Variants in FUT9 observed in about 807,000 individuals in gnomAD.
FUT9 encodes the protein 4-galactosyl-N-acetylglucosaminide 3-alpha-L-fucosyltransferase 9.
FUT9 carries 15 observed loss-of-function variants against 29.7 expected under a neutral mutation model. The ratio of observed to expected loss-of-function variants is 0.51; its 90% CI spans 0.34 to 0.78. The LOEUF (loss-of-function observed/expected upper bound fraction) is 0.78. Among genes scored for constraint, FUT9 ranks in the 30% least tolerant of loss-of-function variants. The pLI is 0.01. For synonymous variants in FUT9, 169 were observed against 153.7 expected (o/e 1.10, Z -0.74); for missense variants, 319 against 425.4 (o/e 0.75, Z 2.20).
intron 2 of FUT9, among the ~76,000 whole-genome samples, chr6:96,156,301 T>G (rs749652094): frequency 6.6e-6 from 1 of 152,194 alleles, no homozygotes; most frequent in Non-Finnish European, 1.5e-5. Flanking sequence ...CCTTGGAGCC[T>G]TTGGTTCATT....
chr6:96,199,859 A>G (rs1023092955), intron 2 of FUT9, among the ~76,000 whole-genome samples: 1 of 152,192 alleles, frequency 6.6e-6, no homozygotes, highest in Non-Finnish European at 1.5e-5. Context: ...TACAGCATTT[A>G]TTAAGCATCT....
chr6:96,173,664 T>C (rs1773153474), intron 2 of FUT9, among the ~76,000 whole-genome samples: 1 of 152,098 alleles, frequency 6.6e-6, no homozygotes, highest in African/African-American at 2.4e-5. Context: ...TACATCTGTC[T>C]TATAAAGGTA....
At chr6:96,034,654 C>T (rs544996183) in intron 1 of FUT9, among the ~76,000 whole-genome samples, 1 of 151,638 alleles carries the variant, frequency 6.6e-6, no homozygotes, top group Non-Finnish European at 1.5e-5. Flanking sequence ...CTTTATCACA[C>T]ACTTACTACA....
chr6:96,136,690 A>G lies in FUT9; in HGVS notation c.-9+22563A>G, dbSNP rs185556056. Among the ~76,000 whole-genome samples the G allele has an allele frequency of 2.3e-4, 35 of 152,054 alleles. No homozygotes were observed. The East Asian group carries it at 6.4e-3, about 28-fold the overall frequency. ...TTTGTATGTTATCACAATGCTTTTT[A>G]TGCACAGAAGAGAGCAAATTTTATT... On this transcript the variant is annotated intron_variant, in intron 2 of 2. Coordinates refer to ENST00000302103, the MANE Select transcript of FUT9 (RefSeq NM_006581.4).
chr6:96,094,960 C>T (rs1430077748), intron 1 of FUT9, among the ~76,000 whole-genome samples: 5 of 152,058 alleles, frequency 3.3e-5, no homozygotes, highest in African/African-American at 9.7e-5. Flanking sequence ...GCAGTGTACA[C>T]GGTACCCAAA....
chr6:96,063,524 A>C (rs954160879), intron 1 of FUT9, among the ~76,000 whole-genome samples: 2 of 152,198 alleles, frequency 1.3e-5, no homozygotes, highest in Non-Finnish European at 2.9e-5. Flanking sequence ...ATTCGGGGGC[A>C]TGATCCAGAC....
chr6:96,147,309 C>T (rs930723560), intron 2 of FUT9, among the ~76,000 whole-genome samples: 11 of 151,894 alleles, frequency 7.2e-5, no homozygotes, highest in East Asian at 3.9e-4. Context: ...TACAGGTGCA[C>T]GCCACCATAC....
chr6:96,092,004 C>G (rs1771419058), intron 1 of FUT9, among the ~76,000 whole-genome samples: 1 of 151,810 alleles, frequency 6.6e-6, no homozygotes. Context: ...AACATAGATA[C>G]AAAAATGATA....
At chr6:96,147,047 T>G (rs1195211239) in intron 2 of FUT9, among the ~76,000 whole-genome samples, 1 of 152,116 alleles carries the variant, frequency 6.6e-6, no homozygotes, top group Non-Finnish European at 1.5e-5. Context: ...TAACAATCAG[T>G]GCAAACACAA....
At chr6:96,103,259 T>C (rs1266078214) in intron 1 of FUT9, among the ~76,000 whole-genome samples, 1 of 152,178 alleles carries the variant, frequency 6.6e-6, no homozygotes, top group Admixed American at 6.5e-5. Flanking sequence ...ATGTATTTTC[T>C]AGACACTTTC....
chr6:96,205,173 C>G lies in FUT9; in HGVS notation c.*938C>G, dbSNP rs1773805086. On this transcript the variant is annotated 3_prime_UTR_variant, in exon 3 of 3. Coordinates refer to ENST00000302103, the MANE Select transcript of FUT9 (RefSeq NM_006581.4). ...AATATTTAAAATGGTCTTATTTTAC[C>G]ATATGGATATAAGATTTGGCTCATA... 1 of 166,614 alleles carries G rather than the reference C, an allele frequency of 6.0e-6. No individual in the cohort carries two copies. The highest frequency in any genetic ancestry group is 1.5e-5 in the Non-Finnish European group (1 of 68,012). The allele number at this position is 166,614 out of a possible 1,614,324, so 10.3% of individuals were successfully genotyped here.
chr6:96,187,133 G>T (rs1424502816), intron 2 of FUT9, among the ~76,000 whole-genome samples: 1 of 152,098 alleles, frequency 6.6e-6, no homozygotes, highest in East Asian at 1.9e-4. Flanking sequence ...AAGAGTCAAG[G>T]AGGATAAAGC....
chr6:96,091,018 T>C (rs1162909004), intron 1 of FUT9, among the ~76,000 whole-genome samples: 3 of 152,044 alleles, frequency 2.0e-5, no homozygotes, highest in Non-Finnish European at 4.4e-5. Context: ...GTTAAAGCCA[T>C]TGAGAATATA....
chr6:96,080,192 T>A (rs1248072310), intron 1 of FUT9, among the ~76,000 whole-genome samples: 1 of 147,868 alleles, frequency 6.8e-6, no homozygotes, highest in African/African-American at 2.4e-5. Context: ...TTCTCAGTAG[T>A]TCTCACAAAT....
rs372684958 is a variant in FUT9, at chr6:96,120,034, A to G, written c.-9+5907A>G. Among the ~76,000 whole-genome samples the G allele has an allele frequency of 1.6e-4, 25 of 152,180 alleles. No individual in the cohort carries two copies. In the East Asian group the frequency reaches 2.7e-3, roughly 16 times the overall value. ...GTGATCCATTATATATTTAACCCTC[A>G]TTTGTTATCTGTTACAATACATAAA... On this transcript the variant is annotated intron_variant, in intron 2 of 2. Coordinates refer to ENST00000302103, the MANE Select transcript of FUT9 (RefSeq NM_006581.4).
At chr6:96,060,728 G>T (rs938327679) in intron 1 of FUT9, among the ~76,000 whole-genome samples, 8 of 152,002 alleles carry the variant, frequency 5.3e-5, no homozygotes, top group Admixed American at 4.6e-4. Flanking sequence ...TGTAGAGACA[G>T]GTTTTCACCA....
chr6:96,195,172 C>G (rs1449930452), intron 2 of FUT9, among the ~76,000 whole-genome samples: 1 of 152,050 alleles, frequency 6.6e-6, no homozygotes, highest in Non-Finnish European at 1.5e-5. Context: ...AAACAAACGT[C>G]TGAGGCAAAA....
intron 2 of FUT9, among the ~76,000 whole-genome samples, chr6:96,134,174 G>A (rs1294550526): frequency 1.3e-5 from 2 of 151,654 alleles, no homozygotes; most frequent in African/African-American, 4.8e-5. Context: ...TAAAAATTTA[G>A]GTAATAGCCA....
chr6:96,212,568 A>C lies in FUT9; in HGVS notation c.*8333A>C. 1 of 390,750 alleles carries C rather than the reference A, an allele frequency of 2.6e-6. No individual in the cohort carries two copies. Among genetic ancestry groups the C allele is most frequent in the Non-Finnish European group, 4.7e-6 (1 of 212,008 alleles). 24.2% of individuals were successfully genotyped at this position (390,750 alleles called of 1,614,324 possible). ...AGAACTTTCAGCTTAATCGGGGTTA[A>C]GGGAGTAATTGTGACAATATAAAAT... On this transcript the variant is annotated 3_prime_UTR_variant, in exon 3 of 3. Coordinates refer to ENST00000302103, the MANE Select transcript of FUT9 (RefSeq NM_006581.4).
Sources: allele counts gnomAD v4.1 joint callset (sites outside exome capture counted in the v4.1 genomes callset), GRCh38; gene constraint gnomAD v4.1.1; transcripts MANE v1.5; gene names NCBI Gene and HGNC (gene_info 2026-07-23, HGNC 2026-07-21).